FNDC3A: variants seen among roughly 807,000 people sequenced by gnomAD.
FNDC3A encodes the protein fibronectin type-III domain-containing protein 3A.
FNDC3A carries 32 observed loss-of-function variants against 148.9 expected under a neutral mutation model. That is an observed-to-expected ratio of 0.21 (90% CI 0.16 to 0.29). The LOEUF is 0.29. Among genes scored for constraint, FNDC3A ranks in the 10% least tolerant of loss-of-function variants. The pLI, the probability that FNDC3A is intolerant of heterozygous loss-of-function variation, is 1.00. For missense variants in FNDC3A, 1,191 were observed against 1,452.8 expected (o/e 0.82, Z 2.93); for synonymous variants, 472 against 473.6 (o/e 1.00, Z 0.04).
At chr13:49,166,983 T>A (rs559326432) in intron 8 of FNDC3A, among the ~76,000 whole-genome samples, 1 of 98,352 alleles carries the variant, frequency 1.0e-5, no homozygotes, top group Non-Finnish European at 2.6e-5. Flanking sequence ...CTTCCTTAAC[T>A]CCACTCCAAA....
At chr13:49,094,183 C>G (rs988277880) in intron 3 of FNDC3A, among the ~76,000 whole-genome samples, 1 of 152,000 alleles carries the variant, frequency 6.6e-6, no homozygotes, top group African/African-American at 2.4e-5. Context: ...AAATCTTCAT[C>G]AATTGGTTTT....
At chr13:49,188,153 C>CT (rs760012098) in intron 16 of FNDC3A, among the ~76,000 whole-genome samples, 8 of 152,252 alleles carry the variant, frequency 5.3e-5, no homozygotes, top group Non-Finnish European at 1.2e-4. Flanking sequence ...AAAAAGATGT[C>CT]TTTTAATTAG....
At chr13:49,090,445 T>G (rs1041673599) in intron 3 of FNDC3A, among the ~76,000 whole-genome samples, 4 of 151,806 alleles carry the variant, frequency 2.6e-5, no homozygotes, top group African/African-American at 9.7e-5. Context: ...AACAAACACA[T>G]CCAGGAGATT....
intron 2 of FNDC3A, among the ~76,000 whole-genome samples, chr13:49,073,678 C>A (rs1027410904): frequency 3.4e-5 from 5 of 145,004 alleles, no homozygotes; most frequent in Non-Finnish European, 7.5e-5. Flanking sequence ...TATATACACA[C>A]ATATATAAAA....
intron 2 of FNDC3A, among the ~76,000 whole-genome samples, chr13:49,032,282 C>T (rs923291812): frequency 6.6e-6 from 1 of 151,928 alleles, no homozygotes; most frequent in Admixed American, 6.6e-5. Context: ...TAATTTCACT[C>T]CTAGGTATAT....
chr13:49,178,464 C>T, intron 13 of FNDC3A, 104 bp from the exon 14 acceptor site: 2 of 710,774 alleles, frequency 2.8e-6, no homozygotes, highest in Non-Finnish European at 4.9e-6. Context: ...TCATATTGCA[C>T]ATAGTAGAAG....
At chr13:49,120,554 TAA>T (rs1328818037) in intron 4 of FNDC3A, among the ~76,000 whole-genome samples, 1 of 151,570 alleles carries the variant, frequency 6.6e-6, no homozygotes, top group African/African-American at 2.4e-5. Flanking sequence ...GCAAATTGGA[TAA>T]AGAGTTGAGA....
At chr13:49,139,147 G>A (rs1882551054) in intron 7 of FNDC3A, among the ~76,000 whole-genome samples, 1 of 152,152 alleles carries the variant, frequency 6.6e-6, no homozygotes, top group Non-Finnish European at 1.5e-5. Context: ...TAATAGGAGA[G>A]GTTGTTAGGT....
chr13:49,199,852 A>G (rs1047145606), intron 23 of FNDC3A, among the ~76,000 whole-genome samples: 1 of 152,190 alleles, frequency 6.6e-6, no homozygotes, highest in African/African-American at 2.4e-5. Context: ...ATTAGAAAGA[A>G]CCTAATTTCA....
intron 2 of FNDC3A, among the ~76,000 whole-genome samples, chr13:49,012,805 A>ATGTGTGTGTGTGTGTGTG (rs61137549): frequency 0.02 from 2,730 of 134,538 alleles, 46 homozygotes; most frequent in South Asian, 0.032. Flanking sequence ...GCAATTATAA[A>ATGTGTGTGTGTGTGTGTG]TGTGTGTGTG....
rs1347772578 is a variant in FNDC3A at position 49,016,466 on chromosome 13, A to T, written c.99+10177A>T. The stretch of plus-strand genomic sequence containing the variant: ...GGTGATATCCCCTTTATCATTTTTT[A>T]TTGTATCTATTTGATTCTTCTCTCT... On this transcript the variant is annotated intron_variant, in intron 2 of 25. Coordinates refer to ENST00000492622, the MANE Select transcript of FNDC3A (RefSeq NM_001079673.2). Among the ~76,000 whole-genome samples the T allele has an allele frequency of 5.3e-5, 8 of 151,990 alleles. No individual in the cohort carries two copies. The East Asian group carries it at 1.4e-3, about 26-fold the overall frequency.
chr13:49,146,019 T>C lies in FNDC3A; in HGVS notation c.977+84T>C. Reference sequence around the variant, plus strand: ...GCTTATTACTAATTTTGCTCTACTTTTCCTTCTTCACGCTTTTATTCTGAA... The same window carrying C: ...GCTTATTACTAATTTTGCTCTACTTCTCCTTCTTCACGCTTTTATTCTGAA... On this transcript the variant is annotated intron_variant, in intron 8 of 25. Transcript: ENST00000492622. 5.9e-6 allele frequency: 6 copies of C among 1,009,416 alleles called. No individual in the cohort carries two copies. The South Asian group carries it at 6.8e-5, about 11-fold the overall frequency. The allele number at this position is 1,009,416 out of a possible 1,614,324, so 62.5% of individuals were successfully genotyped here.
chr13:49,045,046 TCCTTTCCCTTTC>T, intron 2 of FNDC3A: 1 of 54,790 alleles, frequency 1.8e-5, no homozygotes, highest in Non-Finnish European at 5.0e-5. Flanking sequence ...CTTTCCCTTT[TCCTTTCCCTTTC>T]CCTTTTCCTT....
intron 4 of FNDC3A, among the ~76,000 whole-genome samples, chr13:49,117,268 G>A (rs1881030565): frequency 6.6e-6 from 1 of 152,086 alleles, no homozygotes; most frequent in African/African-American, 2.4e-5. Context: ...ACTCAATGAA[G>A]TCTAGATTTC....
At chr13:49,139,970 T>G (rs923059785) in intron 7 of FNDC3A, among the ~76,000 whole-genome samples, 1 of 152,330 alleles carries the variant, frequency 6.6e-6, no homozygotes, top group East Asian at 1.9e-4. Flanking sequence ...TTTAGTAGGC[T>G]TAATAAGATT....
intron 2 of FNDC3A, among the ~76,000 whole-genome samples, chr13:49,039,779 A>G (rs573809894): frequency 6.6e-5 from 10 of 152,072 alleles, no homozygotes; most frequent in East Asian, 1.9e-4. Context: ...CAATGGCGCA[A>G]TCTCGGCTCA....
chr13:49,120,725 A>G (rs766632100), intron 4 of FNDC3A, among the ~76,000 whole-genome samples: 5 of 152,158 alleles, frequency 3.3e-5, no homozygotes, highest in Non-Finnish European at 7.4e-5. Context: ...ACTTTAAACC[A>G]ACAAAGATCA....
intron 14 of FNDC3A, among the ~76,000 whole-genome samples, chr13:49,182,900 T>C (rs889590852): frequency 3.3e-5 from 5 of 152,158 alleles, no homozygotes; most frequent in African/African-American, 1.2e-4. Context: ...TTGCCTTCCA[T>C]TTCTGTCTTG....
intron 3 of FNDC3A, among the ~76,000 whole-genome samples, chr13:49,102,797 A>C (rs568814479): frequency 6.6e-6 from 1 of 152,284 alleles, no homozygotes; most frequent in South Asian, 2.1e-4. Context: ...TCATTTTTCC[A>C]TTCTTGTTTA....
Sources: allele counts gnomAD v4.1 joint callset (sites outside exome capture counted in the v4.1 genomes callset), GRCh38; gene constraint gnomAD v4.1.1; transcripts MANE v1.5; gene names NCBI Gene and HGNC (gene_info 2026-07-23, HGNC 2026-07-21).